Variants in SMC1A observed in about 807,000 individuals in gnomAD.
SMC1A encodes structural maintenance of chromosomes protein 1A.
In SMC1A, 4 loss-of-function variants were observed where a neutral mutation model predicts 94.5. The ratio of observed to expected loss-of-function variants is 0.04; its 90% CI spans 0.02 to 0.10. The LOEUF is 0.10. Among genes scored for constraint, SMC1A ranks in the 10% least tolerant of loss-of-function variants. The pLI is 1.00. For missense variants in SMC1A, 304 were observed against 989.0 expected (o/e 0.31, Z 9.29); for synonymous variants, 345 against 347.7 (o/e 0.99, Z 0.09).
At chrX:53,401,732 T>TTA (rs1654567053) in intron 15 of SMC1A, among the ~76,000 whole-genome samples, 1 of 110,334 alleles carries the variant, frequency 9.1e-6, no homozygotes, top group Non-Finnish European at 1.9e-5. Context: ...TATATATACA[T>TTA]TATATATATA....
rs1556885526 is a variant in SMC1A at position 53,378,720 on chromosome X, G to A, written c.*1383C>T. ...AATATACAGATTGGAATTAAAGTGT[G>A]ATGGTGTATGTGAATGAGTAAAGGC... On this transcript the variant is annotated 3_prime_UTR_variant, in exon 25 of 25. Coordinates refer to ENST00000322213, the MANE Select transcript of SMC1A (RefSeq NM_006306.4). 8.9e-6 allele frequency: 1 copy of A among 112,685 alleles called. No individual in the cohort carries two copies. Among genetic ancestry groups the A allele is most frequent in the Non-Finnish European group, 1.9e-5 (1 of 53,347 alleles). The allele number at this position is 112,685 out of a possible 1,213,427, so 9.3% of individuals were successfully genotyped here. A position where few individuals can be genotyped will look rare whatever the true frequency, so the allele number is the denominator to read the frequency against.
At chrX:53,390,245 T>C (rs1380479502) in intron 19 of SMC1A, among the ~76,000 whole-genome samples, 1 of 106,820 alleles carries the variant, frequency 9.4e-6, no homozygotes, top group Non-Finnish European at 1.9e-5. Context: ...CCCAGCACTT[T>C]GGGAGGCCAA....
At chrX:53,419,346 G>A (rs1164709564) in intron 1 of SMC1A, among the ~76,000 whole-genome samples, 1 of 109,642 alleles carries the variant, frequency 9.1e-6, no homozygotes, top group Admixed American at 9.9e-5. Flanking sequence ...GGACAACATG[G>A]CAAAATCCCA....
intron 9 of SMC1A, among the ~76,000 whole-genome samples, chrX:53,406,706 C>T (rs1180988551): frequency 9.0e-6 from 1 of 111,253 alleles, no homozygotes; most frequent in Non-Finnish European, 1.9e-5. Flanking sequence ...TATCTTTCTA[C>T]TCTTTTTTGG....
intron 19 of SMC1A, among the ~76,000 whole-genome samples, chrX:53,385,551 A>G: frequency 1.8e-5 from 2 of 110,441 alleles, no homozygotes; most frequent in Middle Eastern, 9.2e-3. Flanking sequence ...TTGGGATTAC[A>G]GGTGTGAGCC....
intron 3 of SMC1A, among the ~76,000 whole-genome samples, chrX:53,414,293 T>C (rs1444131654): frequency 9.0e-6 from 1 of 110,996 alleles, no homozygotes; most frequent in Non-Finnish European, 1.9e-5. Flanking sequence ...TCCTAAATGA[T>C]AGGCTTAGGA....
chrX:53,407,256 T>C (rs2075694674), intron 9 of SMC1A, among the ~76,000 whole-genome samples: 1 of 111,337 alleles, frequency 9.0e-6, no homozygotes, highest in Non-Finnish European at 1.9e-5. Context: ...TTGGGACTCT[T>C]AGCTCCACCC....
intron 9 of SMC1A, among the ~76,000 whole-genome samples, chrX:53,406,193 C>T: frequency 9.0e-6 from 1 of 111,040 alleles, no homozygotes; most frequent in East Asian, 2.8e-4. Flanking sequence ...TCAAGACCAG[C>T]CTGGGCAACA....
intron 16 of SMC1A, among the ~76,000 whole-genome samples, chrX:53,397,982 T>G (rs1188492524): frequency 9.2e-6 from 1 of 108,937 alleles, no homozygotes; most frequent in Non-Finnish European, 1.9e-5. Flanking sequence ...GGCCAGGAGT[T>G]CCAGACCAGC....
chrX:53,406,028 T>C (rs2075689739), intron 9 of SMC1A, 72 bp from the exon 10 acceptor site: 4 of 972,128 alleles, frequency 4.1e-6, no homozygotes, highest in Non-Finnish European at 4.4e-6. Flanking sequence ...TAATTCCCAG[T>C]ATGGAAAGGG....
At chrX:53,420,009 G>C (rs1322151517) in intron 1 of SMC1A, among the ~76,000 whole-genome samples, 1 of 109,461 alleles carries the variant, frequency 9.1e-6, no homozygotes, top group Non-Finnish European at 1.9e-5. Context: ...CTACCACTTA[G>C]CTGACCTTCC....
chrX:53,422,123 A>G, intron 1 of SMC1A: 1 of 1,060,790 alleles, frequency 9.4e-7, no homozygotes, highest in Non-Finnish European at 1.3e-6. Flanking sequence ...GGGTCAAGTA[A>G]GGCTGGGAAG....
intron 15 of SMC1A, among the ~76,000 whole-genome samples, chrX:53,402,092 T>C (rs782590567): frequency 9.0e-6 from 1 of 111,424 alleles, no homozygotes; most frequent in African/African-American, 3.3e-5. Context: ...CAAATTGATG[T>C]TTCCCCCAGT....
chrX:53,381,003 T>C lies in SMC1A; in HGVS notation c.3507+15A>G. 8.3e-7 allele frequency: 1 copy of C among 1,200,750 alleles called. No individual in the cohort carries two copies. On this transcript the variant is annotated intron_variant, in intron 23 of 24. Coordinates refer to ENST00000322213, the MANE Select transcript of SMC1A (RefSeq NM_006306.4). The stretch of plus-strand genomic sequence containing the variant: ...TGGGGGCATCCCTCCCAGGCCCCAC[T>C]TTCTTTGCACCCACCTTGCCAATGT...
rs1556885721 is a variant in SMC1A, at chrX:53,380,226, G to T, written c.3619-40C>A. 4 of 1,052,266 alleles carry T rather than the reference G, an allele frequency of 3.8e-6. No individual in the cohort carries two copies. The African/African-American group carries it at 7.4e-5, about 19-fold the overall frequency. 86.7% of individuals were successfully genotyped at this position (1,052,266 alleles called of 1,213,427 possible). On this transcript the variant is annotated intron_variant, in intron 24 of 24. Transcript: ENST00000322213. Reference sequence around the variant, plus strand: ...AGAAAAAGAAAAATAAAATTGTAAGGAGAGAATTAAGAGGGGTCTAGTGCC... The same window carrying T: ...AGAAAAAGAAAAATAAAATTGTAAGTAGAGAATTAAGAGGGGTCTAGTGCC...
At chrX:53,392,119 A>C (rs2075631780) in intron 19 of SMC1A, among the ~76,000 whole-genome samples, 1 of 111,359 alleles carries the variant, frequency 9.0e-6, no homozygotes, top group Non-Finnish European at 1.9e-5. Context: ...GGCCGGGCAC[A>C]GTGGCTCACG....
Position 53,405,763 on chromosome X carries a change from A to G in SMC1A, c.1731+8T>C, listed in dbSNP as rs782568830. The G allele has an allele frequency of 4.1e-6, 5 of 1,209,468 alleles. No individual in the cohort carries two copies. The highest frequency in any genetic ancestry group is 4.5e-6 in the Non-Finnish European group (4 of 894,158). ...CACTGGCCTGACCCAATCCCCAACA[A>G]GCCTCACCTCCAGGTAGTCAAGAGG... is the stretch of plus-strand genomic sequence containing the variant. On this transcript the variant is annotated splice_region_variant and intron_variant, in intron 10 of 24. Transcript: ENST00000322213.
At chrX:53,393,305 T>G (rs782002584) in intron 19 of SMC1A, among the ~76,000 whole-genome samples, 1 of 110,138 alleles carries the variant, frequency 9.1e-6, no homozygotes, top group Non-Finnish European at 1.9e-5. Context: ...CCCAGTTCCT[T>G]CCATAGATAA....
Position 53,375,912 on chromosome X carries a change from C to T in SMC1A, c.*4191G>A, listed in dbSNP as rs2075558264. 1 of 112,554 alleles carries T rather than the reference C, an allele frequency of 8.9e-6. No homozygotes were observed. Among genetic ancestry groups the T allele is most frequent in the African/African-American group, 3.2e-5 (1 of 30,923 alleles). 9.3% of individuals were successfully genotyped at this position (112,554 alleles called of 1,213,427 possible). A position where few individuals can be genotyped will look rare whatever the true frequency, so the allele number is the denominator to read the frequency against. Reference sequence around the variant, plus strand: ...TACTGGCCTTTGCCCTAGTGCAGGCCTCCTGGTCTTTTTCCAGTCTCCTAG... The same window carrying T: ...TACTGGCCTTTGCCCTAGTGCAGGCTTCCTGGTCTTTTTCCAGTCTCCTAG... On this transcript the variant is annotated 3_prime_UTR_variant, in exon 25 of 25. Coordinates refer to ENST00000322213, the MANE Select transcript of SMC1A (RefSeq NM_006306.4).
Sources: allele counts gnomAD v4.1 joint callset (sites outside exome capture counted in the v4.1 genomes callset), GRCh38; gene constraint gnomAD v4.1.1; transcripts MANE v1.5; gene names NCBI Gene and HGNC (gene_info 2026-07-23, HGNC 2026-07-21).